RIN2: variants seen among roughly 807,000 people sequenced by gnomAD.
RIN2 encodes the protein Ras and Rab interactor 2.
RIN2 carries 36 observed loss-of-function variants against 78.0 expected under a neutral mutation model. The observed-to-expected ratio is 0.46, with a 90% CI of 0.35 to 0.61. The LOEUF (loss-of-function observed/expected upper bound fraction) is 0.61. RIN2 is among the 20% of genes least tolerant of loss of function. The pLI is 0.00. For synonymous variants in RIN2, 466 were observed against 466.8 expected, an observed-to-expected ratio of 1.00 and a Z score of 0.02; for missense variants, 1,087 against 1,159.7, an observed-to-expected ratio of 0.94 and a Z score of 0.91.
intron 2 of RIN2, among the ~76,000 whole-genome samples, chr20:19,875,773 T>C (rs2037837162): frequency 6.6e-6 from 1 of 151,880 alleles, no homozygotes; most frequent in Non-Finnish European, 1.5e-5. Flanking sequence ...AATGTGTCCT[T>C]TGGTGTGGGC....
intron 3 of RIN2, among the ~76,000 whole-genome samples, chr20:19,918,556 G>A (rs527473474): frequency 2.0e-5 from 3 of 152,258 alleles, no homozygotes; most frequent in South Asian, 2.1e-4. Flanking sequence ...GAAGGTTAGA[G>A]ATAAGCTTGC....
chr20:19,774,443 A>G (rs7274890), intron 1 of RIN2, among the ~76,000 whole-genome samples: 74 of 152,360 alleles, frequency 4.9e-4, no homozygotes, highest in African/African-American at 1.7e-3. Context: ...AAGAAGCGGG[A>G]AAAAGATCAA....
intron 5 of RIN2, among the ~76,000 whole-genome samples, chr20:19,959,639 G>A (rs1245309410): frequency 6.6e-6 from 1 of 152,146 alleles, no homozygotes; most frequent in Non-Finnish European, 1.5e-5. Flanking sequence ...AGATTAGGCA[G>A]GGAAAAAATG....
At chr20:19,878,958 C>T (rs2037938436) in intron 2 of RIN2, among the ~76,000 whole-genome samples, 1 of 152,092 alleles carries the variant, frequency 6.6e-6, no homozygotes, top group Non-Finnish European at 1.5e-5. Context: ...GGCCCCACTG[C>T]CAGAGGAAGG....
intron 2 of RIN2, among the ~76,000 whole-genome samples, chr20:19,875,092 T>C (rs563986441): frequency 1.3e-5 from 2 of 151,374 alleles, no homozygotes; most frequent in East Asian, 3.9e-4. Flanking sequence ...AACTCCTGAC[T>C]TCAAGTGATC....
At chr20:19,810,733 G>T (rs1243822902) in intron 2 of RIN2, among the ~76,000 whole-genome samples, 1 of 115,826 alleles carries the variant, frequency 8.6e-6, no homozygotes, top group Non-Finnish European at 1.6e-5. Context: ...GTTCTGTCTC[G>T]CCCAGGCTAG....
At chr20:19,890,348 T>A (rs2038391979) in intron 3 of RIN2, among the ~76,000 whole-genome samples, 1 of 152,180 alleles carries the variant, frequency 6.6e-6, no homozygotes, top group Non-Finnish European at 1.5e-5. Context: ...GGGAATCAAT[T>A]CCCCTCTTGT....
At chr20:19,933,451 C>G (rs1268958024) in intron 3 of RIN2, among the ~76,000 whole-genome samples, 1 of 152,096 alleles carries the variant, frequency 6.6e-6, no homozygotes, top group Non-Finnish European at 1.5e-5. Flanking sequence ...TCTGTTTGGC[C>G]CCTTTGTTGC....
chr20:19,988,873 CA>C (rs150548130), intron 9 of RIN2, among the ~76,000 whole-genome samples: 2,208 of 152,104 alleles, frequency 0.015, 63 homozygotes, highest in African/African-American at 0.051. Flanking sequence ...CACTTCGCCA[CA>C]TCTGCCTCAT....
intron 2 of RIN2, among the ~76,000 whole-genome samples, chr20:19,851,057 A>AAAGGAAGGAAGG (rs142938284): frequency 4.5e-5 from 6 of 132,504 alleles, no homozygotes; most frequent in African/African-American, 2.0e-4. Flanking sequence ...AAGGAGAAAG[A>AAAGGAAGGAAGG]AAGGAAGGAA....
rs1331179100 is a variant in RIN2 at position 20,001,040 on chromosome 20, C to A, written c.*104C>A. The A allele has an allele frequency of 5.3e-6, 6 of 1,135,944 alleles. No homozygotes were observed. The highest frequency in any genetic ancestry group is 5.0e-5 in the East Asian group (2 of 40,038). 70.4% of individuals were successfully genotyped at this position (1,135,944 alleles called of 1,614,324 possible). A position where few individuals can be genotyped will look rare whatever the true frequency, so the allele number is the denominator to read the frequency against. Reference sequence around the variant, plus strand: ...TGAAAAGCAGTCACCTCCTCGGGGACCCCTCAGTGTAGTGACTAAGCCATC... The same window carrying A: ...TGAAAAGCAGTCACCTCCTCGGGGAACCCTCAGTGTAGTGACTAAGCCATC... On this transcript the variant is annotated 3_prime_UTR_variant, in exon 13 of 13. Transcript: ENST00000255006.
At chr20:19,772,627 A>C (rs1683744296) in intron 1 of RIN2, among the ~76,000 whole-genome samples, 1 of 152,206 alleles carries the variant, frequency 6.6e-6, no homozygotes, top group Admixed American at 6.5e-5. Context: ...TAATCCCAGC[A>C]GCTAAAAGGG....
chr20:19,869,792 T>TTTTATGTA (rs1555781131), intron 2 of RIN2, among the ~76,000 whole-genome samples: 6 of 136,426 alleles, frequency 4.4e-5, no homozygotes, highest in African/African-American at 1.7e-4. Context: ...GCCTGGCTAA[T>TTTTATGTA]TTTATTTATT....
rs748066193 is a variant in RIN2 at position 19,996,794 on chromosome 20, C to T, written c.2316C>T (p.His772=). 1.2e-6 allele frequency: 2 copies of T among 1,609,840 alleles called. No homozygotes were observed. Among genetic ancestry groups the T allele is most frequent in the Non-Finnish European group, 1.7e-6 (2 of 1,177,934 alleles). Residue 772 remains histidine, a synonymous_variant, in exon 12 of 13, where the codon CAC becomes CAT. Transcript: ENST00000255006. ...SETRDTLRQW[H]KRRTTNRTIP... is the part of the protein sequence containing the mutation. ...CCAGAGACACCCTGAGGCAGTGGCA[C>T]AAACGGAGAACCACCAACCGGACCA...
At chr20:19,912,475 C>CTTTTTTTTTTTTTTTTTTTTTTTTT (rs545323465) in intron 3 of RIN2, among the ~76,000 whole-genome samples, 10 of 110,936 alleles carry the variant, frequency 9.0e-5, no homozygotes, top group South Asian at 3.1e-4. Context: ...TTTTCTTTTT[C>CTTTTTTTTTTTTTTTTTTTTTTTTT]TTTTTTTTTT....
chr20:19,971,876 G>A (rs2042119446), intron 8 of RIN2, among the ~76,000 whole-genome samples: 1 of 151,766 alleles, frequency 6.6e-6, no homozygotes, highest in African/African-American at 2.4e-5. Flanking sequence ...CGAGTAGCTG[G>A]GGTCACAGGC....
intron 2 of RIN2, among the ~76,000 whole-genome samples, chr20:19,866,862 C>T (rs557282642): frequency 2.3e-4 from 35 of 151,974 alleles, no homozygotes; most frequent in Non-Finnish European, 3.4e-4. Context: ...TGACCTCAAG[C>T]GATTCTCCCG....
intron 1 of RIN2, among the ~76,000 whole-genome samples, chr20:19,768,698 A>G (rs1246952244): frequency 6.6e-6 from 1 of 152,168 alleles, no homozygotes; most frequent in Non-Finnish European, 1.5e-5. Context: ...TATGAGGAGC[A>G]GGAGTTTCTT....
In RIN2 at chr20:20,001,362, C is replaced by CTTTTTTTTTTTTTTTTTTTTTTTTTTTT. The variant is rs57852545; in HGVS notation, c.*452_*453insTTTTTTTTTTTTTTTTTTTTTTTTTTTT. On this transcript the variant is annotated 3_prime_UTR_variant, in exon 13 of 13. Coordinates refer to ENST00000255006, the MANE Select transcript of RIN2 (RefSeq NM_018993.4). Reference sequence around the variant, plus strand: ...CCCTGCCTTCCTTCCTTTCTTTTTCCTTTTTTTTTTTTTTTTTTTTTTTTT... The same window carrying CTTTTTTTTTTTTTTTTTTTTTTTTTTTT: ...CCCTGCCTTCCTTCCTTTCTTTTTCCTTTTTTTTTTTTTTTTTTTTTTTTTTTTTTTTTTTTTTTTTTTTTTTTTTTTT... 2 of 94,234 alleles carry CTTTTTTTTTTTTTTTTTTTTTTTTTTTT rather than the reference C, an allele frequency of 2.1e-5. No individual in the cohort carries two copies. Among genetic ancestry groups the CTTTTTTTTTTTTTTTTTTTTTTTTTTTT allele is most frequent in the East Asian group, 3.9e-4 (1 of 2,570 alleles). The allele number at this position is 94,234 out of a possible 1,614,324, so 5.8% of individuals were successfully genotyped here. A position where few individuals can be genotyped will look rare whatever the true frequency, so the allele number is the denominator to read the frequency against.
Sources: allele counts gnomAD v4.1 joint callset (sites outside exome capture counted in the v4.1 genomes callset), GRCh38; gene constraint gnomAD v4.1.1; transcripts MANE v1.5; gene names NCBI Gene and HGNC (gene_info 2026-07-23, HGNC 2026-07-21).